The following RUNDC3B variants were observed in gnomAD, a reference collection of about 807,000 sequenced individuals.
RUNDC3B encodes RUN domain containing 3B.
RUNDC3B carries 33 observed loss-of-function variants against 58.4 expected under a neutral mutation model. The ratio of observed to expected loss-of-function variants is 0.56; its 90% confidence interval spans 0.43 to 0.75. The LOEUF is 0.75. RUNDC3B is among the 30% of genes least tolerant of loss of function. The probability of loss-of-function intolerance (pLI) is 0.00; values close to 1 mark genes in which losing one functional copy is unlikely to be tolerated. For missense variants in RUNDC3B, 501 were observed against 535.7 expected (o/e 0.94, Z 0.64); for synonymous variants, 193 against 195.2 (o/e 0.99, Z 0.10).
intron 8 of RUNDC3B, among the ~76,000 whole-genome samples, chr7:87,783,156 T>G (rs557258617): frequency 6.6e-6 from 1 of 151,936 alleles, no homozygotes; most frequent in East Asian, 1.9e-4. Flanking sequence ...TGTGTGTGTA[T>G]GTGTGTGTGC....
In RUNDC3B at chr7:87,628,541, C is replaced by T; in HGVS notation, c.-283C>T. On this transcript the variant is annotated 5_prime_UTR_variant, in exon 1 of 11. Coordinates refer to ENST00000394654, the MANE Select transcript of RUNDC3B (RefSeq NM_001134405.2). ...CTGACGCCGACCCGCAGGCGCAGCC[C>T]GGCAGTCGGCGGCGCGCCGAGGGCG... The T allele has an allele frequency of 3.4e-6, 1 of 296,480 alleles. No homozygotes were observed. The highest frequency in any genetic ancestry group is 6.2e-6 in the Non-Finnish European group (1 of 161,836). 18.4% of individuals were successfully genotyped at this position (296,480 alleles called of 1,614,324 possible). A position where few individuals can be genotyped will look rare whatever the true frequency, so the allele number is the denominator to read the frequency against.
intron 4 of RUNDC3B, among the ~76,000 whole-genome samples, chr7:87,714,636 A>C (rs1830381813): frequency 1.3e-5 from 2 of 152,176 alleles, no homozygotes; most frequent in East Asian, 1.9e-4. Flanking sequence ...CCATGGAAAT[A>C]GGACGTGAAG....
intron 2 of RUNDC3B, among the ~76,000 whole-genome samples, chr7:87,686,745 A>C (rs1585101291): frequency 6.7e-6 from 1 of 149,414 alleles, no homozygotes; most frequent in Non-Finnish European, 1.5e-5. Context: ...TTTGAGACCC[A>C]CCTGGGCAAC....
chr7:87,828,270 A>G (rs992809515), intron 10 of RUNDC3B, among the ~76,000 whole-genome samples: 4 of 152,104 alleles, frequency 2.6e-5, no homozygotes, highest in African/African-American at 9.7e-5. Context: ...GGTTTGTTAC[A>G]TGGGTATATT....
At chr7:87,818,740 A>G (rs1837219078) in intron 10 of RUNDC3B, among the ~76,000 whole-genome samples, 1 of 152,158 alleles carries the variant, frequency 6.6e-6, no homozygotes, top group Admixed American at 6.5e-5. Flanking sequence ...TGTGCAAAAG[A>G]AGGAATTGGG....
intron 10 of RUNDC3B, among the ~76,000 whole-genome samples, chr7:87,822,026 C>A (rs1158099284): frequency 6.1e-4 from 92 of 151,032 alleles, no homozygotes; most frequent in African/African-American, 2.0e-3. Context: ...GCAACAAAAG[C>A]CAAAATTGAC....
At chr7:87,680,793 C>CA (rs1023955421) in intron 2 of RUNDC3B, among the ~76,000 whole-genome samples, 15 of 142,222 alleles carry the variant, frequency 1.1e-4, no homozygotes, top group Non-Finnish European at 2.0e-4. Flanking sequence ...AACTCCATCT[C>CA]AAAAAAAAGA....
At chr7:87,664,936 A>G (rs576720917) in intron 2 of RUNDC3B, among the ~76,000 whole-genome samples, 20 of 152,272 alleles carry the variant, frequency 1.3e-4, no homozygotes, top group Non-Finnish European at 2.8e-4. Context: ...CAATTAAAGT[A>G]CAGAAGTAAT....
chr7:87,695,615 C>A (rs1285198622), intron 2 of RUNDC3B, among the ~76,000 whole-genome samples: 1 of 152,030 alleles, frequency 6.6e-6, no homozygotes, highest in East Asian at 1.9e-4. Context: ...ACTAACAGAA[C>A]TTTCATTTGT....
intron 4 of RUNDC3B, among the ~76,000 whole-genome samples, chr7:87,716,759 T>A (rs1830577558): frequency 6.6e-6 from 1 of 152,202 alleles, no homozygotes; most frequent in South Asian, 2.1e-4. Flanking sequence ...CAGCTGTACA[T>A]GATTAGTGTA....
intron 2 of RUNDC3B, among the ~76,000 whole-genome samples, chr7:87,682,950 T>C (rs894255459): frequency 1.3e-5 from 2 of 152,234 alleles, no homozygotes; most frequent in South Asian, 4.1e-4. Context: ...ACATTGAAAA[T>C]CTGTTGTTTA....
At chr7:87,632,966 G>A in intron 1 of RUNDC3B, among the ~76,000 whole-genome samples, 1 of 152,156 alleles carries the variant, frequency 6.6e-6, no homozygotes, top group East Asian at 1.9e-4. Flanking sequence ...AGGAATATAA[G>A]GAGTAGTGTG....
chr7:87,720,660 G>A (rs1317409273), intron 4 of RUNDC3B, among the ~76,000 whole-genome samples: 1 of 150,156 alleles, frequency 6.7e-6, no homozygotes, highest in African/African-American at 2.4e-5. Context: ...AGAGTGCAGT[G>A]GTGAGCTCTG....
intron 4 of RUNDC3B, among the ~76,000 whole-genome samples, chr7:87,738,021 T>C (rs1319607622): frequency 1.3e-5 from 2 of 152,098 alleles, no homozygotes; most frequent in Non-Finnish European, 2.9e-5. Flanking sequence ...AAGAATAGTT[T>C]TGAGCTGATT....
chr7:87,803,924 A>G (rs1387977512), intron 8 of RUNDC3B, among the ~76,000 whole-genome samples: 1 of 152,136 alleles, frequency 6.6e-6, no homozygotes, highest in Non-Finnish European at 1.5e-5. Flanking sequence ...CATGTGAATT[A>G]TATGTTGAGG....
chr7:87,655,652 T>A (rs183913972), intron 2 of RUNDC3B, among the ~76,000 whole-genome samples: 1 of 152,256 alleles, frequency 6.6e-6, no homozygotes, highest in Admixed American at 6.5e-5. Context: ...GTACAAAATG[T>A]TGACTATAGT....
chr7:87,808,848 A>G (rs1836568091), intron 9 of RUNDC3B, among the ~76,000 whole-genome samples: 1 of 152,070 alleles, frequency 6.6e-6, no homozygotes, highest in Admixed American at 6.6e-5. Flanking sequence ...AATTTGTTGC[A>G]ATACTTGGTA....
intron 8 of RUNDC3B, among the ~76,000 whole-genome samples, chr7:87,781,115 A>T (rs1584191609): frequency 6.6e-6 from 1 of 152,146 alleles, no homozygotes; most frequent in South Asian, 2.1e-4. Flanking sequence ...CTTCCAATTC[A>T]TGAGCACGGA....
rs1829047861 is a variant in RUNDC3B, at chr7:87,701,671, A to C, written c.372+1117A>C. Among the ~76,000 whole-genome samples, 6 of 152,210 alleles carry C rather than the reference A, an allele frequency of 3.9e-5. No individual in the cohort carries two copies. The South Asian group carries it at 8.3e-4, about 21-fold the overall frequency. On this transcript the variant is annotated intron_variant, in intron 3 of 10. Coordinates refer to ENST00000394654, the MANE Select transcript of RUNDC3B (RefSeq NM_001134405.2). ...AGTGAGTTTTGATCTAGAACAAAAGAAAATATCTACACTTATCTGAAAAGA... is the reference window on the plus strand; with the variant it reads ...AGTGAGTTTTGATCTAGAACAAAAGCAAATATCTACACTTATCTGAAAAGA...
Sources: gnomAD v4.1 joint callset for allele counts (sites outside exome capture counted in the v4.1 genomes callset) on GRCh38, gnomAD v4.1.1 for gene constraint, MANE v1.5 for transcripts, NCBI Gene and HGNC (gene_info 2026-07-23, HGNC 2026-07-21) for gene names.